The following ADGRB3 variants were observed in gnomAD, a reference collection of about 807,000 sequenced individuals.
ADGRB3 encodes brain-specific angiogenesis inhibitor 3.
ADGRB3 carries 37 observed loss-of-function variants against 193.4 expected under a neutral mutation model. The ratio of observed to expected loss-of-function variants is 0.19; its 90% CI spans 0.15 to 0.25. ADGRB3 has a LOEUF of 0.25. Ranked by LOEUF, ADGRB3 falls within the 10% of genes least tolerant of loss-of-function variation. ADGRB3 has a pLI of 1.00. For missense variants in ADGRB3, 1,637 were observed against 1,852.9 expected (o/e 0.88, Z 2.14); for synonymous variants, 690 against 644.2 (o/e 1.07, Z -1.08).
intron 11 of ADGRB3, among the ~76,000 whole-genome samples, chr6:69,007,381 G>C (rs1769789952): frequency 6.6e-6 from 1 of 152,030 alleles, no homozygotes; most frequent in South Asian, 2.1e-4. Context: ...TGGGATCAAA[G>C]CCTCACTTTA....
intron 3 of ADGRB3, among the ~76,000 whole-genome samples, chr6:68,643,705 G>T (rs943590062): frequency 1.3e-5 from 2 of 151,470 alleles, no homozygotes; most frequent in African/African-American, 4.9e-5. Context: ...AGGCCGAAGC[G>T]GGTGGACCAT....
chr6:69,202,863 G>A (rs1765457720), intron 17 of ADGRB3, among the ~76,000 whole-genome samples: 1 of 152,096 alleles, frequency 6.6e-6, no homozygotes, highest in African/African-American at 2.4e-5. Context: ...CTGAGGAGTT[G>A]CCAGAAGAAA....
chr6:68,646,563 C>T (rs1041774499), intron 3 of ADGRB3, among the ~76,000 whole-genome samples: 4 of 150,634 alleles, frequency 2.7e-5, no homozygotes, highest in African/African-American at 7.3e-5. Flanking sequence ...CAAATGATAA[C>T]ACTGAATTTT....
chr6:69,318,919 T>G (rs1768378023), intron 20 of ADGRB3, among the ~76,000 whole-genome samples: 1 of 150,874 alleles, frequency 6.6e-6, no homozygotes, highest in Non-Finnish European at 1.5e-5. Flanking sequence ...TTATTTTGCT[T>G]TTTCTCTCAC....
At chr6:68,812,761 G>C (rs945069786) in intron 3 of ADGRB3, among the ~76,000 whole-genome samples, 2 of 151,786 alleles carry the variant, frequency 1.3e-5, no homozygotes, top group Non-Finnish European at 2.9e-5. Context: ...TGCCATGGTG[G>C]TTTGCTGCAC....
Position 69,043,323 on chromosome 6 carries a change from A to T in ADGRB3, c.2108-4862A>T, listed in dbSNP as rs947687882. On this transcript the variant is annotated intron_variant, in intron 13 of 31. Transcript: ENST00000370598. ...AAGAAAGAAAGAAAGAAAGAAAGAA[A>T]GAAAGAAAGAGAAAGAAAAGAAGAT... 7.4e-4 allele frequency among the ~76,000 whole-genome samples: 111 copies of T among 149,888 alleles called. 2 individuals carry two copies. Among genetic ancestry groups the T allele is most frequent in the African/African-American group, 2.6e-3 (108 of 41,056 alleles).
intron 6 of ADGRB3, among the ~76,000 whole-genome samples, chr6:68,952,648 TA>T (rs150321260): frequency 0.15 from 22,899 of 151,464 alleles, 1,906 homozygotes; most frequent in East Asian, 0.33. Context: ...TAAAGTATAA[TA>T]AAAAAAAATT....
In ADGRB3 at chr6:69,389,000, C is replaced by T. The variant is rs1162202743; in HGVS notation, c.*109C>T. 2 of 1,105,810 alleles carry T rather than the reference C, an allele frequency of 1.8e-6. No individual in the cohort carries two copies. The highest frequency in any genetic ancestry group is 1.3e-6 in the Non-Finnish European group (1 of 790,656). 68.5% of individuals were successfully genotyped at this position (1,105,810 alleles called of 1,614,324 possible). On this transcript the variant is annotated 3_prime_UTR_variant, in exon 32 of 32. Transcript: ENST00000370598. The stretch of plus-strand genomic sequence containing the variant: ...CAGTGTGACTATCTTATGTCAGGAC[C>T]TTCATGTGCCAAACGTCAGTGGTGT...
At chr6:69,037,645 TTCTC>T (rs377348716) in intron 13 of ADGRB3, among the ~76,000 whole-genome samples, 22 of 149,482 alleles carry the variant, frequency 1.5e-4, no homozygotes, top group African/African-American at 2.4e-4. Flanking sequence ...GGTGTTGTTG[TTCTC>T]TCTCTCTCTC....
intron 16 of ADGRB3, among the ~76,000 whole-genome samples, chr6:69,067,044 A>G (rs576033458): frequency 1.3e-5 from 2 of 152,146 alleles, no homozygotes; most frequent in Admixed American, 6.6e-5. Context: ...CTCATGCTCT[A>G]TCAACTTTGC....
At position 69,388,975 on chromosome 6, in the gene ADGRB3, C is replaced by T; in HGVS notation, c.*84C>T. 1 of 1,343,018 alleles carries T rather than the reference C, an allele frequency of 7.4e-7. No homozygotes were observed. The highest frequency in any genetic ancestry group is 1.0e-6 in the Non-Finnish European group (1 of 986,950). The allele number at this position is 1,343,018 out of a possible 1,614,324, so 83.2% of individuals were successfully genotyped here. A position where few individuals can be genotyped will look rare whatever the true frequency, so the allele number is the denominator to read the frequency against. ...GGGAAGCCTGACATTTCTATCTGGA[C>T]AGTGTGACTATCTTATGTCAGGACC... On this transcript the variant is annotated 3_prime_UTR_variant, in exon 32 of 32. Transcript: ENST00000370598.
At chr6:68,706,849 C>T (rs1442068226) in intron 3 of ADGRB3, among the ~76,000 whole-genome samples, 1 of 152,060 alleles carries the variant, frequency 6.6e-6, no homozygotes, top group Non-Finnish European at 1.5e-5. Flanking sequence ...TGGTGGCTCA[C>T]GCCTATAATC....
In ADGRB3 at chr6:69,374,623, T is replaced by C. The variant is rs150527682; in HGVS notation, c.4275+2182T>C. 9.3e-3 allele frequency among the ~76,000 whole-genome samples: 1,421 copies of C among 152,162 alleles called. 21 individuals are homozygous for C. Among genetic ancestry groups the C allele is most frequent in the African/African-American group, 0.033 (1,358 of 41,542 alleles). ...TCATACCAGGGGAATAGCCCTTTCA[T>C]GTAGCCAGTCTCCAGAACAGCATTG... On this transcript the variant is annotated intron_variant, in intron 30 of 31. Transcript: ENST00000370598.
At chr6:69,335,812 A>C (rs1234587276) in intron 24 of ADGRB3, among the ~76,000 whole-genome samples, 2 of 152,098 alleles carry the variant, frequency 1.3e-5, no homozygotes, top group Non-Finnish European at 2.9e-5. Flanking sequence ...TTTTACAACT[A>C]GGTTGTTATT....
At chr6:69,211,015 G>A (rs1367330233) in intron 17 of ADGRB3, among the ~76,000 whole-genome samples, 9 of 152,070 alleles carry the variant, frequency 5.9e-5, no homozygotes, top group South Asian at 4.1e-4. Context: ...CCAGCTACGC[G>A]GGAGGCTGAG....
chr6:68,862,827 CT>C (rs1304980148), intron 3 of ADGRB3, among the ~76,000 whole-genome samples: 3 of 151,934 alleles, frequency 2.0e-5, no homozygotes, highest in African/African-American at 7.3e-5. Context: ...CTATTGCTTC[CT>C]CTTGATTACC....
In ADGRB3 at chr6:69,081,471, G is replaced by A. The variant is rs191654481; in HGVS notation, c.2480+5433G>A. On this transcript the variant is annotated intron_variant, in intron 17 of 31. Coordinates refer to ENST00000370598, the MANE Select transcript of ADGRB3 (RefSeq NM_001704.3). Reference sequence around the variant, plus strand: ...TGCTCTTCTAGAAATATTACAAAAAGCAATAGAAAAAATTTAATTTTCTAA... The same window carrying A: ...TGCTCTTCTAGAAATATTACAAAAAACAATAGAAAAAATTTAATTTTCTAA... 2.9e-3 allele frequency among the ~76,000 whole-genome samples: 447 copies of A among 151,850 alleles called. 9 individuals are homozygous for A. The highest frequency in any genetic ancestry group is 0.02 in the East Asian group (104 of 5,174).
chr6:68,764,438 A>G (rs928156870), intron 3 of ADGRB3, among the ~76,000 whole-genome samples: 2 of 152,232 alleles, frequency 1.3e-5, no homozygotes, highest in African/African-American at 2.4e-5. Context: ...TCCACTCAGC[A>G]AAAGACTGAA....
chr6:69,331,049 G>C (rs1019785850), intron 23 of ADGRB3, among the ~76,000 whole-genome samples: 1 of 152,000 alleles, frequency 6.6e-6, no homozygotes, highest in African/African-American at 2.4e-5. Context: ...TGCAGAGGCC[G>C]TCTTATGTGT....
Sources: allele counts gnomAD v4.1 joint callset (sites outside exome capture counted in the v4.1 genomes callset), GRCh38; gene constraint gnomAD v4.1.1; transcripts MANE v1.5; gene names NCBI Gene and HGNC (gene_info 2026-07-23, HGNC 2026-07-21).